DGKH: variants seen among roughly 807,000 people sequenced by gnomAD.
The protein encoded by DGKH is DAG kinase eta.
In DGKH, 90 loss-of-function variants were observed where a neutral mutation model predicts 159.3. The ratio of observed to expected loss-of-function variants is 0.57; its 90% CI spans 0.48 to 0.67. The LOEUF (loss-of-function observed/expected upper bound fraction) is 0.67, where lower values mean the gene tolerates loss of function less well. Ranked by LOEUF, DGKH falls within the 30% of genes least tolerant of loss-of-function variation. DGKH has a pLI of 0.00. For missense variants in DGKH, 1,181 were observed against 1,506.1 expected (o/e 0.78, Z 3.57); for synonymous variants, 536 against 553.8 (o/e 0.97, Z 0.45).
chr13:42,249,830 A>G (rs952566613), intron 29 of DGKH, among the ~76,000 whole-genome samples: 2 of 152,224 alleles, frequency 1.3e-5, no homozygotes, highest in African/African-American at 4.8e-5. Flanking sequence ...CCCTGGACCT[A>G]CACAACTAGA....
intron 1 of DGKH, among the ~76,000 whole-genome samples, chr13:42,124,364 T>C (rs569642888): frequency 6.6e-6 from 1 of 152,352 alleles, no homozygotes; most frequent in South Asian, 2.1e-4. Context: ...TTTTTAAAAA[T>C]ACCTTTGTTA....
intron 29 of DGKH, among the ~76,000 whole-genome samples, chr13:42,250,273 C>T (rs1958612311): frequency 6.6e-6 from 1 of 151,596 alleles, no homozygotes; most frequent in African/African-American, 2.4e-5. Context: ...CCGGCCACTC[C>T]AGCTCCTATT....
At chr13:42,175,722 A>T (rs1956585313) in intron 12 of DGKH, among the ~76,000 whole-genome samples, 1 of 152,234 alleles carries the variant, frequency 6.6e-6, no homozygotes, top group Non-Finnish European at 1.5e-5. Flanking sequence ...TAACAAAGGG[A>T]TAGCATACTT....
intron 15 of DGKH, among the ~76,000 whole-genome samples, chr13:42,189,696 T>C (rs998462782): frequency 2.6e-4 from 39 of 152,290 alleles, no homozygotes; most frequent in African/African-American, 9.4e-4. Context: ...AGAAAGGGTC[T>C]CACTCTGTTG....
intron 13 of DGKH, among the ~76,000 whole-genome samples, chr13:42,182,196 A>G (rs1356325683): frequency 6.6e-6 from 1 of 152,264 alleles, no homozygotes; most frequent in Non-Finnish European, 1.5e-5. Context: ...TCCATGTGCC[A>G]TCACAAATGG....
intron 3 of DGKH, among the ~76,000 whole-genome samples, chr13:42,139,614 T>C (rs1370292028): frequency 2.0e-5 from 3 of 152,204 alleles, no homozygotes; most frequent in African/African-American, 4.8e-5. Flanking sequence ...TTTTCTGTCC[T>C]AGTCTGTTGC....
At chr13:42,119,580 C>A (rs1170170) in intron 1 of DGKH, among the ~76,000 whole-genome samples, 5 of 152,030 alleles carry the variant, frequency 3.3e-5, no homozygotes, top group African/African-American at 7.3e-5. Context: ...CTACATTATC[C>A]TCTTAAAAGT....
intron 1 of DGKH, among the ~76,000 whole-genome samples, chr13:42,106,663 A>AT (rs1271594732): frequency 6.6e-6 from 1 of 152,220 alleles, no homozygotes; most frequent in Non-Finnish European, 1.5e-5. Context: ...TCTTCTAAAG[A>AT]TTGAGTGGAT....
Position 42,060,508 on chromosome 13 carries a change from G to A in DGKH, c.192+11543G>A, listed in dbSNP as rs139232830. ...ATATTTGTGCAGTCTACTCATTCCC[G>A]GCCAAATTTTGCTCCACAGCTTTTA... On this transcript the variant is annotated intron_variant, in intron 1 of 29. Transcript: ENST00000337343. Among the ~76,000 whole-genome samples, 480 of 152,122 alleles carry A rather than the reference G, an allele frequency of 3.2e-3. 2 individuals are homozygous for A. Among genetic ancestry groups the A allele is most frequent in the Middle Eastern group, 6.8e-3 (2 of 294 alleles).
At chr13:42,198,639 T>G (rs200600040) in intron 18 of DGKH, 44 bp downstream of exon 18, 46 of 154,332 alleles carry the variant, frequency 3.0e-4, no homozygotes, top group Non-Finnish European at 4.2e-4. Context: ...GTTTTTCTTG[T>G]TTTTTTTTTT....
rs756307036 is a variant in DGKH at position 42,209,428 on chromosome 13, T to C, written c.2813T>C (p.Val938Ala). ...WVQPPGIIKI[V>A]HKNRAQMLTR... ...CAGCCTCCAGGGATTATCAAAATTG[T>C]GCACAAAAACAGAGCACAAATGCTA... The change falls in exon 23 of 30, where the codon GTG (valine) becomes GCG (alanine). Residue 938 changes from valine (V) to alanine (A), a missense_variant. Transcript: ENST00000337343. The C allele has an allele frequency of 4.3e-6, 7 of 1,613,264 alleles. No individual in the cohort carries two copies. In the East Asian group the frequency reaches 1.6e-4, roughly 36 times the overall value.
At chr13:42,215,725 C>G in intron 26 of DGKH, 58 bp downstream of exon 26, 5 of 1,446,772 alleles carry the variant, frequency 3.5e-6, no homozygotes, top group Non-Finnish European at 3.8e-6. Context: ...TGGGTCTTAC[C>G]TTCATTGGGG....
chr13:42,173,121 A>T (rs1311023530), intron 11 of DGKH, among the ~76,000 whole-genome samples: 1 of 152,104 alleles, frequency 6.6e-6, no homozygotes, highest in Non-Finnish European at 1.5e-5. Flanking sequence ...ACAGGTGCAC[A>T]GCACCATGCC....
upstream of DGKH, chr13:42,043,958 C>T (rs971460736): frequency 2.0e-5 from 3 of 152,154 alleles, no homozygotes; most frequent in African/African-American, 4.8e-5. Context: ...CCTCAGCCTC[C>T]CGAGTAGCTG....
chr13:42,184,778 G>A (rs995392179), intron 13 of DGKH, among the ~76,000 whole-genome samples: 4 of 151,808 alleles, frequency 2.6e-5, no homozygotes, highest in Non-Finnish European at 4.4e-5. Flanking sequence ...AAGCTGGGAG[G>A]ATCACTTGAG....
At chr13:42,221,970 AAG>A (rs1386083524) in intron 29 of DGKH, among the ~76,000 whole-genome samples, 1 of 152,176 alleles carries the variant, frequency 6.6e-6, no homozygotes, top group East Asian at 1.9e-4. Context: ...TATTCTCAAA[AAG>A]AATTTTTTTT....
intron 1 of DGKH, among the ~76,000 whole-genome samples, chr13:42,107,674 G>C (rs1242011398): frequency 6.6e-6 from 1 of 152,132 alleles, no homozygotes; most frequent in Non-Finnish European, 1.5e-5. Context: ...GTGGTGTTCA[G>C]TTGAGGCCTG....
intron 30 of DGKH, chr13:42,255,733 A>G (rs1958652417): frequency 2.5e-6 from 1 of 396,344 alleles, no homozygotes. Context: ...TAAATAAATG[A>G]CATGTGGGAA....
intron 3 of DGKH, among the ~76,000 whole-genome samples, chr13:42,136,837 C>A (rs1206866077): frequency 1.3e-5 from 2 of 152,110 alleles, no homozygotes; most frequent in African/African-American, 4.8e-5. Context: ...GATTTTAGTT[C>A]AGGGGTCCCT....
Sources: gnomAD v4.1 joint callset for allele counts (sites outside exome capture counted in the v4.1 genomes callset) on GRCh38, gnomAD v4.1.1 for gene constraint, MANE v1.5 for transcripts, NCBI Gene and HGNC (gene_info 2026-07-23, HGNC 2026-07-21) for gene names.